The following CADPS variants were observed in gnomAD, a reference collection of about 807,000 sequenced individuals.
The protein encoded by CADPS is calcium-dependent secretion activator 1.
A neutral mutation model predicts 167.3 loss-of-function variants in CADPS; 57 were observed. The observed-to-expected ratio is 0.34, with a 90% CI of 0.28 to 0.42. CADPS has a LOEUF of 0.42. Ranked by LOEUF, CADPS falls within the 20% of genes least tolerant of loss-of-function variation. The pLI, the probability that CADPS is intolerant of heterozygous loss-of-function variation, is 1.00. For missense variants in CADPS, 1,414 were observed against 1,738.1 expected (o/e 0.81, Z 3.32); for synonymous variants, 676 against 635.3 (o/e 1.06, Z -0.96).
intron 5 of CADPS, among the ~76,000 whole-genome samples, chr3:62,650,020 T>C (rs959265894): frequency 5.9e-5 from 9 of 152,196 alleles, no homozygotes; most frequent in South Asian, 2.1e-4. Context: ...TGGGCTATTA[T>C]AAATAATGCT....
In CADPS at chr3:62,465,479, G is replaced by A. The variant is rs776168275; in HGVS notation, c.3553-29C>T. ...GAAAAACAGCAAAAAAGAAAAAAAT[G>A]TTATTTCAAACTATAATTGTTCACC... On this transcript the variant is annotated intron_variant, in intron 25 of 29. Coordinates refer to ENST00000383710, the MANE Select transcript of CADPS (RefSeq NM_003716.4). This position sits in a 1 kb window ranked among gnomAD's most constrained non-coding sequence, Gnocchi z 4.1. The A allele has an allele frequency of 2.7e-6, 4 of 1,482,398 alleles. No homozygotes were observed. Among genetic ancestry groups the A allele is most frequent in the Non-Finnish European group, 2.8e-6 (3 of 1,070,132 alleles). 91.8% of individuals were successfully genotyped at this position (1,482,398 alleles called of 1,614,324 possible). A position where few individuals can be genotyped will look rare whatever the true frequency, so the allele number is the denominator to read the frequency against.
chr3:62,832,606 T>G (rs17291925), intron 1 of CADPS, among the ~76,000 whole-genome samples: 27,856 of 152,228 alleles, frequency 0.18, 2,882 homozygotes, highest in Middle Eastern at 0.35. Flanking sequence ...TGATGCACAC[T>G]TGTTACCAGT....
At chr3:62,492,206 A>G in intron 20 of CADPS, 84 bp downstream of exon 20, 1 of 1,155,418 alleles carries the variant, frequency 8.7e-7, no homozygotes, top group Non-Finnish European at 1.3e-6. Flanking sequence ...TCAAGCCTGT[A>G]GTCTGCTTGG....
intron 3 of CADPS, among the ~76,000 whole-genome samples, chr3:62,737,780 C>A (rs1273461028): frequency 6.6e-6 from 1 of 152,104 alleles, no homozygotes; most frequent in African/African-American, 2.4e-5. Flanking sequence ...CTTCCTTTTC[C>A]AGGTATGATC....
chr3:62,483,469 T>G (rs931060226), intron 21 of CADPS, among the ~76,000 whole-genome samples: 11 of 152,302 alleles, frequency 7.2e-5, no homozygotes, highest in Middle Eastern at 6.8e-3. Flanking sequence ...CAGATTATTC[T>G]TTCACAATGG....
intron 6 of CADPS, among the ~76,000 whole-genome samples, chr3:62,638,106 T>G (rs903179949): frequency 6.8e-6 from 1 of 148,060 alleles, no homozygotes; most frequent in Non-Finnish European, 1.5e-5. Context: ...TATATATATA[T>G]AGCAATTAAT....
intron 1 of CADPS, among the ~76,000 whole-genome samples, chr3:62,802,361 G>A (rs530331516): frequency 3.9e-5 from 6 of 152,158 alleles, no homozygotes; most frequent in African/African-American, 1.4e-4. Flanking sequence ...CTCTTTGCCC[G>A]GAATGTTTTC....
intron 1 of CADPS, among the ~76,000 whole-genome samples, chr3:62,834,094 G>A (rs552351389): frequency 6.6e-5 from 10 of 152,218 alleles, no homozygotes; most frequent in South Asian, 2.1e-4. Flanking sequence ...AAAATCATGC[G>A]TATCAGTAAA....
intron 13 of CADPS, among the ~76,000 whole-genome samples, chr3:62,532,139 A>T (rs981611463): frequency 6.6e-6 from 1 of 152,318 alleles, no homozygotes; most frequent in East Asian, 1.9e-4. Context: ...GGACATTTGT[A>T]CATGCTGTTC....
chr3:62,811,859 G>T lies in CADPS; in HGVS notation c.442-45875C>A, dbSNP rs565725709. On this transcript the variant is annotated intron_variant, in intron 1 of 29. Transcript: ENST00000383710. The stretch of plus-strand genomic sequence containing the variant: ...AAAACAACAAAAAGGACATTATGTG[G>T]GAGTATGAATTAAACTTTACAGATA... Among the ~76,000 whole-genome samples the T allele has an allele frequency of 3.9e-5, 6 of 152,194 alleles. No individual in the cohort carries two copies. The South Asian group carries it at 1.2e-3, about 32-fold the overall frequency.
chr3:62,810,229 A>G (rs959678609), intron 1 of CADPS, among the ~76,000 whole-genome samples: 51 of 152,226 alleles, frequency 3.4e-4, no homozygotes, highest in African/African-American at 1.2e-3. Flanking sequence ...ACTAAAAACT[A>G]TTTTCTGTGT....
At chr3:62,847,425 CCCCT>C (rs2077692423) in intron 1 of CADPS, among the ~76,000 whole-genome samples, 1 of 58,796 alleles carries the variant, frequency 1.7e-5, no homozygotes, top group Non-Finnish European at 3.4e-5. Flanking sequence ...CTATCCCTCC[CCCCT>C]CCCCCCACCC....
Position 62,550,129 on chromosome 3 carries a change from G to A in CADPS, c.1754-14C>T. The A allele has an allele frequency of 1.2e-6, 2 of 1,604,262 alleles. No individual in the cohort carries two copies. The highest frequency in any genetic ancestry group is 1.7e-6 in the Non-Finnish European group (2 of 1,171,122). On this transcript the variant is annotated splice_polypyrimidine_tract_variant and intron_variant, in intron 10 of 29. Coordinates refer to ENST00000383710, the MANE Select transcript of CADPS (RefSeq NM_003716.4). Reference sequence around the variant, plus strand: ...CACCCTCCAAACCTGGAAGAAAAGGGAGTAACAACTTCTACTAAGCTGAGC... The same window carrying A: ...CACCCTCCAAACCTGGAAGAAAAGGAAGTAACAACTTCTACTAAGCTGAGC...
chr3:62,646,233 C>T (rs1290354514), intron 5 of CADPS, among the ~76,000 whole-genome samples: 3 of 147,076 alleles, frequency 2.0e-5, no homozygotes, highest in East Asian at 4.0e-4. Flanking sequence ...GGCGTGATCT[C>T]GGCTCACTGC....
rs148790578 is a variant in CADPS at position 62,504,546 on chromosome 3, A to G, written c.2600-5278T>C. Among the ~76,000 whole-genome samples, 31 of 152,350 alleles carry G rather than the reference A, an allele frequency of 2.0e-4. 2 individuals are homozygous for G. The East Asian group carries it at 6.0e-3, about 29-fold the overall frequency. ...ATCTGTCACCCATGAGGCAGCAGAT[A>G]CATATTTCAGCTAAATGGGTCTTGA... On this transcript the variant is annotated intron_variant, in intron 17 of 29. Coordinates refer to ENST00000383710, the MANE Select transcript of CADPS (RefSeq NM_003716.4).
chr3:62,762,656 C>CAAAA (rs35231096), intron 2 of CADPS, among the ~76,000 whole-genome samples: 1,805 of 53,050 alleles, frequency 0.034, 24 homozygotes, highest in Middle Eastern at 0.085. Flanking sequence ...AACCCGGACT[C>CAAAA]AAAAAAAAAA....
intron 5 of CADPS, among the ~76,000 whole-genome samples, chr3:62,647,008 A>C (rs1480709154): frequency 6.6e-6 from 1 of 152,180 alleles, no homozygotes; most frequent in African/African-American, 2.4e-5. Context: ...AACTCCACGT[A>C]ATCACCTACT....
intron 3 of CADPS, among the ~76,000 whole-genome samples, chr3:62,699,273 T>C (rs559102993): frequency 2.6e-4 from 39 of 151,662 alleles, no homozygotes; most frequent in African/African-American, 8.0e-4. Context: ...CTGGGCTCAA[T>C]TGATCCTCCT....
At chr3:62,536,793 T>A (rs745746685) in intron 11 of CADPS, among the ~76,000 whole-genome samples, 2 of 152,194 alleles carry the variant, frequency 1.3e-5, no homozygotes, top group Admixed American at 6.6e-5. Flanking sequence ...CAAGAAGATA[T>A]TGGCATCAAC....
Sources: gnomAD v4.1 joint callset for allele counts (sites outside exome capture counted in the v4.1 genomes callset) on GRCh38, gnomAD v4.1.1 for gene constraint, Gnocchi (gnomAD v3.1) non-coding constraint, MANE v1.5 for transcripts, NCBI Gene and HGNC (gene_info 2026-07-23, HGNC 2026-07-21) for gene names.